TMEM165: variants seen among roughly 807,000 people sequenced by gnomAD.
The protein encoded by TMEM165 is transmembrane protein 165, also known as putative divalent cation/proton antiporter TMEM165.
A neutral mutation model predicts 30.0 loss-of-function variants in TMEM165; 19 were observed. The ratio of observed to expected loss-of-function variants is 0.63; its 90% CI spans 0.44 to 0.93. The LOEUF is 0.93. Among genes scored for constraint, TMEM165 ranks in the 40% least tolerant of loss-of-function variants. The probability of loss-of-function intolerance (pLI) is 0.00; values close to 1 mark genes in which losing one functional copy is unlikely to be tolerated. For missense variants in TMEM165, 340 were observed against 417.0 expected (o/e 0.82, Z 1.61); for synonymous variants, 168 against 162.9 (o/e 1.03, Z -0.24).
In TMEM165 at chr4:55,425,528, A is replaced by T; in HGVS notation, c.*76A>T. ...CTGTACATAGTGTACATTACAACTA[A>T]AAGTGATGGAAAAATACTGTATTTT... On this transcript the variant is annotated 3_prime_UTR_variant, in exon 6 of 6. Transcript: ENST00000381334. 1 of 1,147,126 alleles carries T rather than the reference A, an allele frequency of 8.7e-7. No individual in the cohort carries two copies. The highest frequency in any genetic ancestry group is 1.4e-5 in the South Asian group (1 of 73,504). 71.1% of individuals were successfully genotyped at this position (1,147,126 alleles called of 1,614,324 possible). A position where few individuals can be genotyped will look rare whatever the true frequency, so the allele number is the denominator to read the frequency against.
chr4:55,400,272 A>AATATTAT (rs1720911678), intron 1 of TMEM165, among the ~76,000 whole-genome samples: 1 of 83,174 alleles, frequency 1.2e-5, no homozygotes, highest in Non-Finnish European at 2.2e-5. Context: ...TATAATATAT[A>AATATTAT]ATATAATATT....
intron 3 of TMEM165, chr4:55,442,360 A>G: frequency 7.4e-7 from 1 of 1,354,198 alleles, no homozygotes; most frequent in Admixed American, 1.7e-5. Context: ...AATTTGATTA[A>G]GAAATCAAAT....
intron 4 of TMEM165, 38 bp from the exon 5 acceptor site, chr4:55,424,500 C>T: frequency 1.5e-6 from 2 of 1,304,218 alleles, no homozygotes; most frequent in Non-Finnish European, 2.2e-6. Context: ...GCAGTTGTCA[C>T]CTTGGTTTTG....
intron 3 of TMEM165, among the ~76,000 whole-genome samples, chr4:55,439,654 G>A (rs925311473): frequency 2.6e-5 from 4 of 152,154 alleles, no homozygotes; most frequent in African/African-American, 9.7e-5. Flanking sequence ...AAACATAGTA[G>A]AGTAGAATAT....
intron 3 of TMEM165, among the ~76,000 whole-genome samples, chr4:55,439,108 A>G (rs1444187074): frequency 2.6e-5 from 4 of 152,204 alleles, no homozygotes; most frequent in Admixed American, 2.6e-4. Context: ...ATATCTGCAT[A>G]TCATCCTTCT....
At chr4:55,397,337 C>G (rs997185871) in intron 1 of TMEM165, 2 of 152,236 alleles carry the variant, frequency 1.3e-5, no homozygotes, top group African/African-American at 4.8e-5. Flanking sequence ...TTCTTCTGAT[C>G]TGGCTCCAGC....
chr4:55,438,204 A>C, intron 3 of TMEM165: 1 of 1,524,596 alleles, frequency 6.6e-7, no homozygotes, highest in Admixed American at 1.7e-5. Context: ...CATCACTCAC[A>C]AATCTGTTCA....
intron 1 of TMEM165, among the ~76,000 whole-genome samples, chr4:55,403,669 A>C (rs1237832907): frequency 6.6e-6 from 1 of 152,202 alleles, no homozygotes; most frequent in East Asian, 1.9e-4. Context: ...TATTTGTACC[A>C]AAACACTAGT....
rs575374407 is a variant in TMEM165, at chr4:55,403,727, A to G, written c.207+7331A>G. Reference sequence around the variant, plus strand: ...ATAACACTGTATAACTGAATAGTGGAATACCAAAATTGAAATTGCACACTG... The same window carrying G: ...ATAACACTGTATAACTGAATAGTGGGATACCAAAATTGAAATTGCACACTG... On this transcript the variant is annotated intron_variant, in intron 1 of 5. Coordinates refer to ENST00000381334, the MANE Select transcript of TMEM165 (RefSeq NM_018475.5). Among the ~76,000 whole-genome samples the G allele has an allele frequency of 1.6e-4, 25 of 152,318 alleles. No homozygotes were observed. In the South Asian group the frequency reaches 3.3e-3, roughly 20 times the overall value.
In TMEM165 at chr4:55,396,388, C is replaced by T. The variant is rs768223101; in HGVS notation, c.199C>T (p.Arg67Trp). ...GGCTGTGCAGGGCCCCGAGCCGGCC[C>T]GGGTCGAGGTGAGCGGGCCGGGATG... ...PVAVQGPEPARVEKIFTPAAP... is the reference protein window; with the variant it reads ...PVAVQGPEPAWVEKIFTPAAP... Residue 67 changes from arginine (R) to tryptophan (W), a missense_variant, in exon 1 of 6, where the codon CGG becomes TGG. By Grantham distance (101) the Arg-to-Trp change is moderately radical. Around this residue, in one of 2 missense-constraint regions of TMEM165, gnomAD observed 120 missense variants for 109.4 expected, o/e 1.10. Coordinates refer to ENST00000381334, the MANE Select transcript of TMEM165 (RefSeq NM_018475.5). 2.6e-5 allele frequency: 39 copies of T among 1,485,370 alleles called. No individual in the cohort carries two copies. The African/African-American group carries it at 2.9e-4, about 11-fold the overall frequency. 92.0% of individuals were successfully genotyped at this position (1,485,370 alleles called of 1,614,324 possible). A position where few individuals can be genotyped will look rare whatever the true frequency, so the allele number is the denominator to read the frequency against.
At chr4:55,415,058 C>G (rs1721667447) in intron 2 of TMEM165, among the ~76,000 whole-genome samples, 1 of 152,242 alleles carries the variant, frequency 6.6e-6, no homozygotes, top group African/African-American at 2.4e-5. Flanking sequence ...TACCCTCTTC[C>G]TCATCAAAAT....
chr4:55,444,591 T>C lies in TMEM165; in HGVS notation c.409-7648T>C, dbSNP rs751709234. ...AGTTAATTTTCCTAGAAATCCAAAA[T>C]GTGAATGGGATGCTTTGTTTGTATT... On this transcript the variant is annotated intron_variant, in intron 3 of 3. Transcript: ENST00000608091. 35 of 1,612,820 alleles carry C rather than the reference T, an allele frequency of 2.2e-5. No individual in the cohort carries two copies. The East Asian group carries it at 7.4e-4, about 34-fold the overall frequency.
intron 4 of TMEM165, among the ~76,000 whole-genome samples, chr4:55,418,353 T>C (rs1471819476): frequency 1.3e-5 from 2 of 152,072 alleles, no homozygotes; most frequent in Non-Finnish European, 2.9e-5. Context: ...GTTTAATACC[T>C]AAAGCCTTAA....
chr4:55,438,542 T>A (rs1248911328), intron 3 of TMEM165: 1 of 1,612,992 alleles, frequency 6.2e-7, no homozygotes, highest in Non-Finnish European at 8.5e-7. Flanking sequence ...GAAAATCTGT[T>A]AGAAGAAAGA....
At chr4:55,411,587 A>G (rs1721499426) in intron 1 of TMEM165, 27 bp from the exon 2 acceptor site, 1 of 1,553,082 alleles carries the variant, frequency 6.4e-7, no homozygotes, top group African/African-American at 1.4e-5. Flanking sequence ...TAATGATTTT[A>G]AGAAGTAACT....
At chr4:55,424,386 C>T in intron 4 of TMEM165, 152 bp from the exon 5 acceptor site, 2 of 589,632 alleles carry the variant, frequency 3.4e-6, no homozygotes, top group East Asian at 2.9e-5. Context: ...GCAGCCATTA[C>T]ACCTCTCATA....
downstream of TMEM165, among the ~76,000 whole-genome samples, chr4:55,427,656 T>C (rs536187769): frequency 5.9e-5 from 9 of 152,288 alleles, no homozygotes; most frequent in East Asian, 1.9e-4. Context: ...TTTTTTCTAA[T>C]AACAACAGAA....
Position 55,395,974 on chromosome 4 carries a change from C to A in TMEM165, c.-216C>A, listed in dbSNP as rs748469398. On this transcript the variant is annotated 5_prime_UTR_variant, in exon 1 of 6. Transcript: ENST00000381334. ...AGCTGGCTGACTCCAGTTTAGCCGC[C>A]GCCGGAGAGGACGGGCGCCGAGCCG... 2 of 381,122 alleles carry A rather than the reference C, an allele frequency of 5.2e-6. No individual in the cohort carries two copies. The highest frequency in any genetic ancestry group is 9.1e-6 in the Non-Finnish European group (2 of 219,130). 23.6% of individuals were successfully genotyped at this position (381,122 alleles called of 1,614,324 possible). A position where few individuals can be genotyped will look rare whatever the true frequency, so the allele number is the denominator to read the frequency against.
downstream of TMEM165, chr4:55,427,806 T>TTCC (rs1183276534): frequency 6.6e-6 from 1 of 152,196 alleles, no homozygotes; most frequent in African/African-American, 2.4e-5. Flanking sequence ...CAGGACATAA[T>TTCC]TCCTCTGAGA....
Sources: allele counts gnomAD v4.1 joint callset (sites outside exome capture counted in the v4.1 genomes callset), GRCh38; gene constraint gnomAD v4.1.1; regional missense constraint gnomAD v4.1.1; transcripts MANE v1.5; gene names NCBI Gene and HGNC (gene_info 2026-07-23, HGNC 2026-07-21).